The following SRGAP1 variants were observed in gnomAD, a reference collection of about 807,000 sequenced individuals.
SRGAP1 encodes the protein SLIT-ROBO Rho GTPase-activating protein 1.
In SRGAP1, 43 loss-of-function variants were observed where a neutral mutation model predicts 121.9. The ratio of observed to expected loss-of-function variants is 0.35; its 90% CI spans 0.28 to 0.46. The LOEUF is 0.46. Ranked by LOEUF, SRGAP1 falls within the 20% of genes least tolerant of loss-of-function variation. The pLI is 1.00. For missense variants in SRGAP1, 1,102 were observed against 1,350.9 expected, an observed-to-expected ratio of 0.82 and a Z score of 2.89; for synonymous variants, 447 against 485.4, an observed-to-expected ratio of 0.92 and a Z score of 1.04.
intron 4 of SRGAP1, among the ~76,000 whole-genome samples, chr12:64,036,839 T>A (rs968546123): frequency 6.6e-6 from 1 of 152,354 alleles, no homozygotes; most frequent in Non-Finnish European, 1.5e-5. Context: ...CTTCATTTGA[T>A]TCTCACCTAT....
At chr12:64,046,196 G>A (rs2035126844) in intron 6 of SRGAP1, among the ~76,000 whole-genome samples, 1 of 152,214 alleles carries the variant, frequency 6.6e-6, no homozygotes, top group South Asian at 2.1e-4. Context: ...CTGCAGCTGA[G>A]CAAGTGAGGA....
chr12:64,001,133 T>C (rs1157149068), intron 3 of SRGAP1, among the ~76,000 whole-genome samples: 2 of 152,104 alleles, frequency 1.3e-5, no homozygotes, highest in African/African-American at 4.8e-5. Flanking sequence ...TTCCATAAAA[T>C]CATCCTCTTT....
chr12:63,871,961 C>T (rs1294488299), intron 1 of SRGAP1: 21 of 1,084,450 alleles, frequency 1.9e-5, no homozygotes, highest in African/African-American at 3.1e-5. Context: ...CCTGGGCATA[C>T]GATGAATCCT....
chr12:63,845,947 C>T (rs1300991066), intron 1 of SRGAP1, among the ~76,000 whole-genome samples: 2 of 152,192 alleles, frequency 1.3e-5, no homozygotes, highest in Non-Finnish European at 2.9e-5. Flanking sequence ...AAGGGAGGAG[C>T]AGCCTGAGTG....
Position 64,147,911 on chromosome 12 carries a change from CCTT to C in SRGAP1, c.*5240_*5242del. On this transcript the variant is annotated 3_prime_UTR_variant, in exon 22 of 22. Transcript: ENST00000355086. ...TTCCTTTCATTCATCACTACTTTCT[CCTT>C]GACAGCTAGCTTGCATTAAATAATG... 5.3e-6 allele frequency: 2 copies of C among 378,762 alleles called. No homozygotes were observed. Among genetic ancestry groups the C allele is most frequent in the Non-Finnish European group, 9.3e-6 (2 of 214,442 alleles). 23.5% of individuals were successfully genotyped at this position (378,762 alleles called of 1,614,324 possible).
chr12:64,132,270 A>G (rs1281910176), intron 21 of SRGAP1, among the ~76,000 whole-genome samples: 4 of 152,190 alleles, frequency 2.6e-5, no homozygotes, highest in African/African-American at 9.7e-5. Context: ...GGGCCTGCCA[A>G]AGGCTCTAAA....
intron 8 of SRGAP1, among the ~76,000 whole-genome samples, chr12:64,066,354 G>C (rs546856139): frequency 1.3e-5 from 2 of 152,244 alleles, no homozygotes; most frequent in East Asian, 3.9e-4. Context: ...TTACATCTAG[G>C]AAATGAGATT....
At chr12:63,957,773 T>A (rs1180203500) in intron 1 of SRGAP1, among the ~76,000 whole-genome samples, 1 of 152,188 alleles carries the variant, frequency 6.6e-6, no homozygotes, top group Admixed American at 6.5e-5. Flanking sequence ...TTTTAATGTG[T>A]TCCTTTTTTC....
intron 1 of SRGAP1, chr12:63,983,353 T>C (rs2033302115): frequency 6.6e-6 from 1 of 152,222 alleles, no homozygotes; most frequent in Admixed American, 6.5e-5. Context: ...TACGAATTGT[T>C]ATCTGAAAGG....
chr12:63,903,300 G>C (rs955286600), intron 1 of SRGAP1, among the ~76,000 whole-genome samples: 8 of 151,890 alleles, frequency 5.3e-5, no homozygotes, highest in African/African-American at 1.9e-4. Context: ...GCAACCTCCA[G>C]CTCCTGGGTT....
At chr12:64,116,418 C>A (rs148352288) in intron 18 of SRGAP1, among the ~76,000 whole-genome samples, 189 of 152,048 alleles carry the variant, frequency 1.2e-3, no homozygotes, top group African/African-American at 4.2e-3. Flanking sequence ...CTTTACTTAC[C>A]CCCTCAGGAG....
At chr12:64,103,587 T>C (rs2036293609) in intron 15 of SRGAP1, among the ~76,000 whole-genome samples, 1 of 152,224 alleles carries the variant, frequency 6.6e-6, no homozygotes. Flanking sequence ...CTTTCAGCTT[T>C]ATTGACATAC....
At chr12:64,012,551 C>CTTTTTTTTTTTTTTTTTTTTTTT (rs386376760) in intron 3 of SRGAP1, among the ~76,000 whole-genome samples, 1 of 77,662 alleles carries the variant, frequency 1.3e-5, no homozygotes, top group African/African-American at 5.8e-5. Context: ...AAGTTATTAT[C>CTTTTTTTTTTTTTTTTTTTTTTT]TTTTTTTTTT....
chr12:63,935,982 G>A (rs1232286158), intron 1 of SRGAP1, among the ~76,000 whole-genome samples: 1 of 152,180 alleles, frequency 6.6e-6, no homozygotes, highest in African/African-American at 2.4e-5. Flanking sequence ...AAGGGAAAAA[G>A]GTGGAAGATA....
At chr12:64,114,454 G>A (rs938006233) in intron 17 of SRGAP1, among the ~76,000 whole-genome samples, 10 of 149,374 alleles carry the variant, frequency 6.7e-5, no homozygotes, top group Non-Finnish European at 1.5e-4. Context: ...GGGTTCAAGC[G>A]ATTCTCCTGC....
rs111468797 is a variant in SRGAP1 at position 63,967,499 on chromosome 12, C to T, written c.68-16448C>T. On this transcript the variant is annotated intron_variant, in intron 1 of 21. Transcript: ENST00000355086. ...TAGCATGAGTCATATTGTTGGCATT[C>T]GATACATTTTTGTTGAACCAGTGGA... is the stretch of plus-strand genomic sequence containing the variant. Among the ~76,000 whole-genome samples the T allele has an allele frequency of 2.6e-3, 403 of 152,256 alleles. 1 individual carries two copies. Among genetic ancestry groups the T allele is most frequent in the African/African-American group, 9.2e-3 (381 of 41,568 alleles).
At chr12:64,037,955 T>C (rs2124477) in intron 4 of SRGAP1, among the ~76,000 whole-genome samples, 1,652 of 152,298 alleles carry the variant, frequency 0.011, 27 homozygotes, top group African/African-American at 0.037. Context: ...ACTGTATCCC[T>C]TAGATAAAGA....
chr12:63,985,472 T>C (rs974185193), intron 2 of SRGAP1, among the ~76,000 whole-genome samples: 1 of 152,140 alleles, frequency 6.6e-6, no homozygotes, highest in Non-Finnish European at 1.5e-5. Context: ...TAGAGAGAAG[T>C]TGACCTGTTT....
At chr12:63,929,577 T>A in intron 1 of SRGAP1, among the ~76,000 whole-genome samples, 1 of 116,362 alleles carries the variant, frequency 8.6e-6, no homozygotes. Context: ...CCCCACGAGT[T>A]TTTTTTTTTT....
Sources: gnomAD v4.1 joint callset for allele counts (sites outside exome capture counted in the v4.1 genomes callset) on GRCh38, gnomAD v4.1.1 for gene constraint, MANE v1.5 for transcripts, NCBI Gene and HGNC (gene_info 2026-07-23, HGNC 2026-07-21) for gene names.